CADPS: variants seen among roughly 807,000 people sequenced by gnomAD.
CADPS encodes calcium-dependent secretion activator 1.
A neutral mutation model predicts 167.3 loss-of-function variants in CADPS; 57 were observed. That is an observed-to-expected ratio of 0.34 (90% CI 0.28 to 0.42). The LOEUF is 0.42. CADPS is among the 20% of genes least tolerant of loss of function. CADPS has a pLI of 1.00. For synonymous variants in CADPS, 676 were observed against 635.3 expected (o/e 1.06, Z -0.96); for missense variants, 1,414 against 1,738.1 (o/e 0.81, Z 3.32).
At chr3:62,595,574 C>G (rs566684316) in intron 6 of CADPS, among the ~76,000 whole-genome samples, 1 of 152,198 alleles carries the variant, frequency 6.6e-6, no homozygotes. Flanking sequence ...ATTTTGGCTA[C>G]TTTCCCTTCC....
chr3:62,470,287 G>C (rs888641548), intron 24 of CADPS, among the ~76,000 whole-genome samples: 2 of 152,190 alleles, frequency 1.3e-5, no homozygotes. Context: ...GGTTGAGGGA[G>C]TTGGGACCCA....
At chr3:62,864,592 C>A (rs569673335) in intron 1 of CADPS, among the ~76,000 whole-genome samples, 2 of 152,262 alleles carry the variant, frequency 1.3e-5, no homozygotes, top group South Asian at 4.1e-4. Context: ...ATCTGTCTTC[C>A]TTTTCACGTG....
At chr3:62,669,681 C>T (rs2075163829) in intron 3 of CADPS, among the ~76,000 whole-genome samples, 1 of 152,070 alleles carries the variant, frequency 6.6e-6, no homozygotes, top group African/African-American at 2.4e-5. Context: ...CTCTCTGAGC[C>T]CTAGCTTTTA....
chr3:62,470,065 C>G (rs1315017596), intron 24 of CADPS, among the ~76,000 whole-genome samples: 1 of 152,176 alleles, frequency 6.6e-6, no homozygotes, highest in African/African-American at 2.4e-5. Flanking sequence ...TGAAAACACA[C>G]TAGACCAAGT....
chr3:62,853,679 A>C (rs2153120278), intron 1 of CADPS, among the ~76,000 whole-genome samples: 1 of 151,784 alleles, frequency 6.6e-6, no homozygotes, highest in East Asian at 1.9e-4. Context: ...CATACATGAC[A>C]GCCAGGCCCA....
chr3:62,871,466 C>T (rs2082617438), intron 1 of CADPS, among the ~76,000 whole-genome samples: 1 of 152,072 alleles, frequency 6.6e-6, no homozygotes, highest in Admixed American at 6.6e-5. Flanking sequence ...AGAAGTACAC[C>T]TGACATGTTG....
At chr3:62,493,228 T>G (rs2064037366) in intron 19 of CADPS, among the ~76,000 whole-genome samples, 1 of 152,146 alleles carries the variant, frequency 6.6e-6, no homozygotes, top group African/African-American at 2.4e-5. Context: ...GGGGTGACAT[T>G]CACATCAGAC....
At chr3:62,652,977 A>G (rs1022769867) in intron 4 of CADPS, among the ~76,000 whole-genome samples, 1 of 152,286 alleles carries the variant, frequency 6.6e-6, no homozygotes, top group African/African-American at 2.4e-5. Flanking sequence ...GTGCTGGTCC[A>G]GTGCCAGTCT....
At chr3:62,654,566 T>C (rs936437838) in intron 4 of CADPS, among the ~76,000 whole-genome samples, 3 of 152,190 alleles carry the variant, frequency 2.0e-5, no homozygotes, top group Non-Finnish European at 4.4e-5. Flanking sequence ...TTTCCTCATA[T>C]TTCTTGGAAT....
Position 62,874,041 on chromosome 3 carries a change from T to G in CADPS, c.441+548A>C, listed in dbSNP as rs1278754297. On this transcript the variant is annotated intron_variant, in intron 1 of 29. Coordinates refer to ENST00000383710, the MANE Select transcript of CADPS (RefSeq NM_003716.4). This position sits in a 1 kb window ranked among gnomAD's most constrained non-coding sequence, Gnocchi z 7.1. The stretch of plus-strand genomic sequence containing the variant: ...CACGGGAAGCTTCGCCTTCTGGGCT[T>G]GCTTTCTCCCGCCTGCCCCTGCGGT... Among the ~76,000 whole-genome samples the G allele has an allele frequency of 6.6e-6, 1 of 152,190 alleles. No homozygotes were observed. The highest frequency in any genetic ancestry group is 1.5e-5 in the Non-Finnish European group (1 of 68,026).
chr3:62,598,513 A>G (rs931680925), intron 6 of CADPS, among the ~76,000 whole-genome samples: 3 of 152,232 alleles, frequency 2.0e-5, no homozygotes, highest in African/African-American at 7.2e-5. Flanking sequence ...AGATCTGGCT[A>G]TATTTGTAAT....
intron 28 of CADPS, chr3:62,404,734 C>A (rs80291332): frequency 6.6e-6 from 1 of 151,224 alleles, no homozygotes; most frequent in African/African-American, 2.4e-5. Context: ...GTTTTAGGAA[C>A]CTTCTGTCCC....
At chr3:62,556,759 C>T (rs1208851413) in intron 10 of CADPS, among the ~76,000 whole-genome samples, 2 of 151,640 alleles carry the variant, frequency 1.3e-5, no homozygotes, top group African/African-American at 4.8e-5. Context: ...CGGTGTAGAA[C>T]TTTTAAGAAA....
intron 8 of CADPS, among the ~76,000 whole-genome samples, chr3:62,579,669 G>A (rs2082999738): frequency 6.6e-6 from 1 of 152,202 alleles, no homozygotes; most frequent in African/African-American, 2.4e-5. Context: ...GAAAAGCAAG[G>A]AGGCCAGTGT....
At chr3:62,550,475 TG>T (rs1239837181) in intron 10 of CADPS, among the ~76,000 whole-genome samples, 1 of 152,168 alleles carries the variant, frequency 6.6e-6, no homozygotes, top group Non-Finnish European at 1.5e-5. Context: ...CTTCAGCTAC[TG>T]TCCTATTGTT....
chr3:62,425,143 G>A (rs570705033), intron 28 of CADPS, among the ~76,000 whole-genome samples: 1 of 152,284 alleles, frequency 6.6e-6, no homozygotes, highest in East Asian at 1.9e-4. Context: ...ATGAAGTCTT[G>A]TAAGATACAA....
At chr3:62,802,772 T>C (rs182724717) in intron 1 of CADPS, among the ~76,000 whole-genome samples, 9 of 152,284 alleles carry the variant, frequency 5.9e-5, no homozygotes, top group African/African-American at 2.2e-4. Context: ...AAACTGAAGT[T>C]AGTTCATTAT....
chr3:62,557,662 T>A, intron 9 of CADPS, 149 bp from the exon 10 acceptor site: 1 of 659,384 alleles, frequency 1.5e-6, no homozygotes, highest in African/African-American at 1.8e-5. Flanking sequence ...ACGTTGAGCA[T>A]GTTACTTAAC....
intron 28 of CADPS, among the ~76,000 whole-genome samples, chr3:62,410,569 T>C (rs910657003): frequency 2.0e-5 from 3 of 152,208 alleles, no homozygotes; most frequent in Non-Finnish European, 4.4e-5. Flanking sequence ...AGACCACTTG[T>C]GTTTGGATCC....
Sources: gnomAD v4.1 joint callset for allele counts (sites outside exome capture counted in the v4.1 genomes callset) on GRCh38, gnomAD v4.1.1 for gene constraint, Gnocchi (gnomAD v3.1) non-coding constraint, MANE v1.5 for transcripts, NCBI Gene and HGNC (gene_info 2026-07-23, HGNC 2026-07-21) for gene names.